The following SH3RF3 variants were observed in gnomAD, a reference collection of about 807,000 sequenced individuals.
SH3RF3 encodes the protein SH3 domain containing ring finger 3.
Under a neutral mutation model 66.3 loss-of-function variants are expected in SH3RF3, and 29 were observed. The observed-to-expected ratio is 0.44, with a 90% CI of 0.33 to 0.60. The LOEUF (loss-of-function observed/expected upper bound fraction) is 0.60, where lower values mean the gene tolerates loss of function less well. Ranked by LOEUF, SH3RF3 falls within the 20% of genes least tolerant of loss-of-function variation. The pLI is 0.04. For synonymous variants in SH3RF3, 583 were observed against 532.0 expected (o/e 1.10, Z -1.32); for missense variants, 1,194 against 1,190.9 (o/e 1.00, Z -0.04).
chr2:109,461,177 A>T (rs1281811910), intron 8 of SH3RF3, among the ~76,000 whole-genome samples: 1 of 152,196 alleles, frequency 6.6e-6, no homozygotes, highest in African/African-American at 2.4e-5. Context: ...TTGGTCATGG[A>T]ATGCTGCTGT....
At chr2:109,378,322 A>G (rs1250173582) in intron 3 of SH3RF3, among the ~76,000 whole-genome samples, 4 of 152,210 alleles carry the variant, frequency 2.6e-5, no homozygotes, top group African/African-American at 9.6e-5. Flanking sequence ...GAAACCCAGC[A>G]TGCCAAGAAC....
intron 1 of SH3RF3, among the ~76,000 whole-genome samples, chr2:109,238,789 G>T (rs1490674501): frequency 6.6e-6 from 1 of 152,120 alleles, no homozygotes; most frequent in African/African-American, 2.4e-5. Flanking sequence ...ACAGAGGCAA[G>T]GCCCCTGATG....
chr2:109,386,551 C>T (rs754576395), intron 3 of SH3RF3, among the ~76,000 whole-genome samples: 2 of 152,156 alleles, frequency 1.3e-5, no homozygotes, highest in African/African-American at 2.4e-5. Context: ...CCTTGGTTTG[C>T]GGCCCTTGAG....
chr2:109,180,361 C>T (rs1158187983), intron 1 of SH3RF3, among the ~76,000 whole-genome samples: 1 of 152,110 alleles, frequency 6.6e-6, no homozygotes, highest in African/African-American at 2.4e-5. Flanking sequence ...CAAAAGGGAC[C>T]ATCTCATTGG....
chr2:109,175,115 G>A (rs2104962003), intron 1 of SH3RF3, among the ~76,000 whole-genome samples: 1 of 152,210 alleles, frequency 6.6e-6, no homozygotes, highest in Non-Finnish European at 1.5e-5. Flanking sequence ...CCTACTAGTA[G>A]TCCTGGTCAT....
intron 1 of SH3RF3, among the ~76,000 whole-genome samples, chr2:109,158,360 A>G (rs1558931683): frequency 1.3e-5 from 2 of 152,124 alleles, no homozygotes; most frequent in Non-Finnish European, 2.9e-5. Context: ...CTCTTCTCTC[A>G]TCCTGGGGAG....
At chr2:109,225,592 C>G (rs1208454817) in intron 1 of SH3RF3, among the ~76,000 whole-genome samples, 1 of 152,354 alleles carries the variant, frequency 6.6e-6, no homozygotes, top group Non-Finnish European at 1.5e-5. Flanking sequence ...ACGTTCCTCT[C>G]TGGGACTTCC....
intron 9 of SH3RF3, among the ~76,000 whole-genome samples, chr2:109,500,929 G>A (rs1045347910): frequency 2.0e-5 from 3 of 152,158 alleles, no homozygotes; most frequent in Admixed American, 1.3e-4. Flanking sequence ...CAGCCTGGGT[G>A]GAAGAGCAAG....
chr2:109,361,797 TG>T (rs1445409108), intron 2 of SH3RF3, among the ~76,000 whole-genome samples: 2 of 152,214 alleles, frequency 1.3e-5, no homozygotes, highest in African/African-American at 4.8e-5. Context: ...TCTTCTTGTA[TG>T]AGTTTTAGCA....
intron 1 of SH3RF3, among the ~76,000 whole-genome samples, chr2:109,189,229 A>G (rs923429653): frequency 1.3e-5 from 2 of 151,678 alleles, no homozygotes; most frequent in Non-Finnish European, 2.9e-5. Flanking sequence ...TGGTGTGTTC[A>G]GAAGGAGGTG....
At chr2:109,205,261 CTT>C (rs34792138) in intron 1 of SH3RF3, among the ~76,000 whole-genome samples, 1,646 of 135,828 alleles carry the variant, frequency 0.012, 28 homozygotes, top group African/African-American at 0.04. Flanking sequence ...ACTTATGTGA[CTT>C]TTTTTTTTTT....
intron 6 of SH3RF3, among the ~76,000 whole-genome samples, chr2:109,434,868 A>G (rs1677356188): frequency 6.6e-6 from 1 of 152,210 alleles, no homozygotes; most frequent in Non-Finnish European, 1.5e-5. Flanking sequence ...CAATAAAAGA[A>G]ATCTAGTTGT....
In SH3RF3 at chr2:109,501,752, C is replaced by T. The variant is rs139362730; in HGVS notation, c.*81C>T. On this transcript the variant is annotated 3_prime_UTR_variant, in exon 10 of 10. Transcript: ENST00000309415. ...ACGGCACACAGAGAGGGAGCCATGGCGCCCCAAGGGTTCCAGGTCATCTCC... is the reference window on the plus strand; with the variant it reads ...ACGGCACACAGAGAGGGAGCCATGGTGCCCCAAGGGTTCCAGGTCATCTCC... The T allele has an allele frequency of 4.2e-3, 2,805 of 673,540 alleles. 10 individuals carry two copies. Among genetic ancestry groups the T allele is most frequent in the South Asian group, 0.01 (644 of 62,128 alleles). The allele number at this position is 673,540 out of a possible 1,614,324, so 41.7% of individuals were successfully genotyped here.
chr2:109,166,334 G>A (rs1243945579), intron 1 of SH3RF3, among the ~76,000 whole-genome samples: 5 of 151,866 alleles, frequency 3.3e-5, no homozygotes, highest in Admixed American at 6.6e-5. Context: ...AAAATTAGCC[G>A]AGTGTGGTGG....
In SH3RF3 at chr2:109,308,923, A is replaced by T. The variant is rs1428813536; in HGVS notation, c.574-38751A>T. The stretch of plus-strand genomic sequence containing the variant: ...GTGATGCGGGCCCTTTTTTGGTTCC[A>T]TGTGAACTTTAAAGTAGTTTTTTCC... On this transcript the variant is annotated intron_variant, in intron 1 of 9. Coordinates refer to ENST00000309415, the MANE Select transcript of SH3RF3 (RefSeq NM_001099289.3). 2.6e-4 allele frequency among the ~76,000 whole-genome samples: 21 copies of T among 80,320 alleles called. 8 individuals are homozygous for T. The highest frequency in any genetic ancestry group is 1.0e-3 in the Admixed American group (7 of 6,670). 52.7% of individuals were successfully genotyped at this position (80,320 alleles called of 152,430 possible).
intron 1 of SH3RF3, among the ~76,000 whole-genome samples, chr2:109,166,230 G>A (rs756567998): frequency 2.6e-5 from 4 of 152,258 alleles, no homozygotes; most frequent in African/African-American, 7.2e-5. Context: ...TGTCATCCCA[G>A]CACTTTGGGA....
intron 8 of SH3RF3, among the ~76,000 whole-genome samples, chr2:109,460,310 A>G (rs1040314190): frequency 1.3e-5 from 2 of 152,150 alleles, no homozygotes; most frequent in African/African-American, 4.8e-5. Flanking sequence ...CCCTTCCTTG[A>G]TGGAGGTGGT....
chr2:109,172,020 A>G (rs867163537), intron 1 of SH3RF3, among the ~76,000 whole-genome samples: 1 of 152,242 alleles, frequency 6.6e-6, no homozygotes, highest in Non-Finnish European at 1.5e-5. Context: ...GGCAGGGCCC[A>G]GCACTGTGGG....
At chr2:109,242,964 G>A (rs1679821787) in intron 1 of SH3RF3, among the ~76,000 whole-genome samples, 1 of 152,260 alleles carries the variant, frequency 6.6e-6, no homozygotes, top group African/African-American at 2.4e-5. Flanking sequence ...GTGTGAGGCT[G>A]AGTCGGACTT....
Sources: gnomAD v4.1 joint callset for allele counts (sites outside exome capture counted in the v4.1 genomes callset) on GRCh38, gnomAD v4.1.1 for gene constraint, MANE v1.5 for transcripts, NCBI Gene and HGNC (gene_info 2026-07-23, HGNC 2026-07-21) for gene names.